Variants in SPOCK3 observed in about 807,000 individuals in gnomAD.
SPOCK3 encodes the protein testican-3.
In SPOCK3, 30 loss-of-function variants were observed where a neutral mutation model predicts 56.6. The observed-to-expected ratio is 0.53, with a 90% CI of 0.40 to 0.72. SPOCK3 has a LOEUF of 0.72. Ranked by LOEUF, SPOCK3 falls within the 30% of genes least tolerant of loss-of-function variation. The pLI is 0.00. For synonymous variants in SPOCK3, 196 were observed against 183.3 expected (o/e 1.07, Z -0.56); for missense variants, 527 against 530.0 (o/e 0.99, Z 0.06).
At chr4:167,043,785 C>T (rs1753449076) in intron 3 of SPOCK3, among the ~76,000 whole-genome samples, 1 of 151,842 alleles carries the variant, frequency 6.6e-6, no homozygotes, top group African/African-American at 2.4e-5. Context: ...CGAGATAAAC[C>T]TCACTTGATT....
intron 8 of SPOCK3, among the ~76,000 whole-genome samples, chr4:166,752,490 A>G (rs1448103756): frequency 6.6e-6 from 1 of 150,782 alleles, no homozygotes; most frequent in Non-Finnish European, 1.5e-5. Context: ...CTCTCATTCC[A>G]TCCTATTTTT....
chr4:166,909,395 A>G (rs908179976), intron 5 of SPOCK3, among the ~76,000 whole-genome samples: 2 of 152,046 alleles, frequency 1.3e-5, no homozygotes, highest in Non-Finnish European at 2.9e-5. Flanking sequence ...CCTGCACCTG[A>G]CCTCACCTCC....
chr4:167,231,003 A>G (rs2111176085), intron 2 of SPOCK3, among the ~76,000 whole-genome samples: 1 of 152,196 alleles, frequency 6.6e-6, no homozygotes, highest in East Asian at 1.9e-4. Flanking sequence ...TTTAGCATTT[A>G]TATTGAGGAA....
chr4:167,125,470 T>A (rs753040739), intron 2 of SPOCK3, among the ~76,000 whole-genome samples: 1 of 149,140 alleles, frequency 6.7e-6, no homozygotes, highest in Non-Finnish European at 1.5e-5. Context: ...TCCCAGCACT[T>A]TGGGAGGCTG....
intron 2 of SPOCK3, among the ~76,000 whole-genome samples, chr4:167,230,342 C>T (rs1737030378): frequency 6.6e-6 from 1 of 151,738 alleles, no homozygotes; most frequent in Non-Finnish European, 1.5e-5. Flanking sequence ...TCAGTTTCCT[C>T]ATAACGATGC....
chr4:167,033,750 A>C (rs1752487336), intron 3 of SPOCK3, among the ~76,000 whole-genome samples: 1 of 152,030 alleles, frequency 6.6e-6, no homozygotes, highest in African/African-American at 2.4e-5. Flanking sequence ...TAGAAATTTA[A>C]GATGAATTTA....
intron 2 of SPOCK3, among the ~76,000 whole-genome samples, chr4:167,194,517 C>A (rs972468461): frequency 6.6e-6 from 1 of 152,156 alleles, no homozygotes; most frequent in Non-Finnish European, 1.5e-5. Flanking sequence ...ATCCACGTAG[C>A]CTTTCACTGG....
chr4:167,123,463 T>C (rs2150367429), intron 2 of SPOCK3, among the ~76,000 whole-genome samples: 1 of 152,272 alleles, frequency 6.6e-6, no homozygotes, highest in South Asian at 2.1e-4. Flanking sequence ...TACTGGTAGT[T>C]GTGCTAAGGT....
intron 6 of SPOCK3, among the ~76,000 whole-genome samples, chr4:166,831,092 G>A (rs902982928): frequency 3.3e-5 from 5 of 151,948 alleles, no homozygotes; most frequent in African/African-American, 1.2e-4. Flanking sequence ...CAAATCTGTA[G>A]GAATTTTAAT....
chr4:166,969,599 T>G (rs1038776378), intron 4 of SPOCK3, among the ~76,000 whole-genome samples: 1 of 147,570 alleles, frequency 6.8e-6, no homozygotes, highest in Non-Finnish European at 1.5e-5. Flanking sequence ...TCTGCTGCCA[T>G]GGGAAGATGT....
chr4:167,216,257 G>A (rs917640280), intron 2 of SPOCK3, among the ~76,000 whole-genome samples: 6 of 151,930 alleles, frequency 3.9e-5, no homozygotes, highest in Non-Finnish European at 7.4e-5. Flanking sequence ...AAAAAATACC[G>A]TTTACAGATT....
At chr4:166,742,124 GT>G (rs1477014039) in intron 8 of SPOCK3, 65 bp from the exon 9 acceptor site, 2 of 1,187,220 alleles carry the variant, frequency 1.7e-6, no homozygotes, top group Non-Finnish European at 2.5e-6. Context: ...TAATTTCTAT[GT>G]TATCAAACTT....
chr4:167,026,564 C>A (rs901920421), intron 3 of SPOCK3, among the ~76,000 whole-genome samples: 3 of 151,934 alleles, frequency 2.0e-5, no homozygotes, highest in Non-Finnish European at 4.4e-5. Context: ...AAACACACTG[C>A]AGATATCACT....
chr4:167,054,761 T>C (rs1261151727), intron 3 of SPOCK3, among the ~76,000 whole-genome samples: 4 of 152,188 alleles, frequency 2.6e-5, no homozygotes, highest in South Asian at 2.1e-4. Context: ...TTAAATGAGA[T>C]GAAAAATATG....
rs531363952 is a variant in SPOCK3 at position 166,769,774 on chromosome 4, C to T, written c.710-15045G>A. 5.3e-5 allele frequency among the ~76,000 whole-genome samples: 8 copies of T among 152,292 alleles called. No individual in the cohort carries two copies. In the East Asian group the frequency reaches 1.5e-3, roughly 29 times the overall value. ...CTGCTGCCTTTTGTTCAGCTATGCC[C>T]TGCCCCCAGAGGTGGAGTCTACAGA... On this transcript the variant is annotated intron_variant, in intron 7 of 10. Transcript: ENST00000357545.
intron 2 of SPOCK3, among the ~76,000 whole-genome samples, chr4:167,132,215 G>C (rs1436284432): frequency 6.6e-6 from 1 of 152,136 alleles, no homozygotes; most frequent in Non-Finnish European, 1.5e-5. Context: ...ACAAACACAA[G>C]ATATTTATAA....
intron 3 of SPOCK3, among the ~76,000 whole-genome samples, chr4:167,022,103 A>G (rs1365023415): frequency 1.3e-5 from 2 of 151,912 alleles, no homozygotes; most frequent in African/African-American, 2.4e-5. Flanking sequence ...CGTCATTTGG[A>G]TGTGCTGTTC....
intron 6 of SPOCK3, among the ~76,000 whole-genome samples, chr4:166,800,327 T>C (rs1742447997): frequency 6.6e-6 from 1 of 151,504 alleles, no homozygotes; most frequent in East Asian, 1.9e-4. Context: ...CAAACCAATA[T>C]AGACATATTT....
At chr4:167,106,348 A>G (rs1442287993) in intron 2 of SPOCK3, among the ~76,000 whole-genome samples, 1 of 151,992 alleles carries the variant, frequency 6.6e-6, no homozygotes, top group East Asian at 1.9e-4. Flanking sequence ...ACACTATGCA[A>G]ACACATGGAA....
Sources: allele counts gnomAD v4.1 joint callset (sites outside exome capture counted in the v4.1 genomes callset), GRCh38; gene constraint gnomAD v4.1.1; transcripts MANE v1.5; gene names NCBI Gene and HGNC (gene_info 2026-07-23, HGNC 2026-07-21).